Variants in KIF5A observed in about 807,000 individuals in gnomAD.
KIF5A encodes kinesin heavy chain isoform 5A.
KIF5A carries 35 observed loss-of-function variants against 141.3 expected under a neutral mutation model. The observed-to-expected ratio is 0.25, with a 90% CI of 0.19 to 0.33. The LOEUF (loss-of-function observed/expected upper bound fraction) is 0.33, where lower values mean the gene tolerates loss of function less well. Among genes scored for constraint, KIF5A ranks in the 10% least tolerant of loss-of-function variants. The probability of loss-of-function intolerance (pLI) is 1.00; values close to 1 mark genes in which losing one functional copy is unlikely to be tolerated. For synonymous variants in KIF5A, 448 were observed against 500.2 expected (o/e 0.90, Z 1.39); for missense variants, 861 against 1,314.3 (o/e 0.66, Z 5.33).
rs773133711 is a variant in KIF5A, at chr12:57,571,352, T to C, written c.1325T>C (p.Ile442Thr). 1.2e-6 allele frequency: 2 copies of C among 1,613,610 alleles called. No homozygotes were observed. The highest frequency in any genetic ancestry group is 2.2e-5 in the East Asian group (1 of 44,864). The stretch of plus-strand genomic sequence containing the variant: ...GAAATCAACCAACAAAGCCAACTCA[T>C]AGAGAAGCTCAAGCAGCAAATGCTG... ...DDEINQQSQL[I>T]EKLKQQMLDQ... The change falls in exon 13 of 29, where the codon ATA becomes ACA. Residue 442 changes from isoleucine to threonine, a missense_variant. Transcript: ENST00000455537.
intron 22 of KIF5A, 75 bp downstream of exon 22, chr12:57,578,155 C>T (rs1882484434): frequency 6.3e-6 from 10 of 1,575,098 alleles, no homozygotes; most frequent in South Asian, 4.4e-5. Context: ...CCCCTGTTGC[C>T]CCTATGGGGC....
chr12:57,585,409 G>C lies in KIF5A; in HGVS notation c.*1228G>C, dbSNP rs1443590205. The C allele has an allele frequency of 6.5e-6, 1 of 154,456 alleles. No individual in the cohort carries two copies. Among genetic ancestry groups the C allele is most frequent in the Non-Finnish European group, 1.5e-5 (1 of 68,280 alleles). 9.6% of individuals were successfully genotyped at this position (154,456 alleles called of 1,614,324 possible). A position where few individuals can be genotyped will look rare whatever the true frequency, so the allele number is the denominator to read the frequency against. ...GTGGGAAGCTCTAAGGCTTGACCCT[G>C]AGGGGTCTTCTCCCAGCCATTCTCA... On this transcript the variant is annotated 3_prime_UTR_variant, in exon 29 of 29. Transcript: ENST00000455537.
chr12:57,577,925 T>C (rs1882476252), intron 21 of KIF5A, 84 bp from the exon 22 acceptor site: 4 of 1,278,346 alleles, frequency 3.1e-6, no homozygotes, highest in Admixed American at 1.7e-5. Context: ...CACTTGATTA[T>C]AGAGACTGGA....
At position 57,576,768 on chromosome 12, in the gene KIF5A, C is replaced by G. The variant is rs780535025; in HGVS notation, c.2206C>G (p.Gln736Glu). 1.9e-6 allele frequency: 3 copies of G among 1,612,954 alleles called. No homozygotes were observed. The South Asian group carries it at 3.3e-5, about 18-fold the overall frequency. The change falls in exon 20 of 29, where the codon CAG becomes GAG. Residue 736 changes from glutamine (Q) to glutamate (E), a missense_variant. By Grantham distance (29) the Gln-to-Glu change is conservative. Around this residue, in one of 5 missense-constraint regions of KIF5A, gnomAD observed 482 missense variants for 661.3 expected, o/e 0.73. Coordinates refer to ENST00000455537, the MANE Select transcript of KIF5A (RefSeq NM_004984.4). ...CCTTCTGATGCTCTGTAGCCTAAAT[C>G]AGAAGCTCCAGTTAGAGCTAGAGAA... is the stretch of plus-strand genomic sequence containing the variant. ...KTIDELKDLN[Q>E]KLQLELEKLQ...
chr12:57,552,251 G>A (rs1038682448), intron 1 of KIF5A, among the ~76,000 whole-genome samples: 2 of 152,144 alleles, frequency 1.3e-5, no homozygotes, highest in Admixed American at 1.3e-4. Flanking sequence ...GGCCATCCTA[G>A]TATAGTGGGA....
At chr12:57,581,202 G>T in intron 24 of KIF5A, 30 bp downstream of exon 24, 7 of 1,602,662 alleles carry the variant, frequency 4.4e-6, no homozygotes, top group Non-Finnish European at 6.0e-6. Flanking sequence ...CAAGGTGGGA[G>T]TATCTCCTGA....
rs558583049 is a variant in KIF5A, at chr12:57,584,897, C to T, written c.*716C>T. ...ATGGGTTGCTCAAGGGACCATTTCCCTTTTTCTTCAAGCTCCTTTTGATAT... is the reference window on the plus strand; with the variant it reads ...ATGGGTTGCTCAAGGGACCATTTCCTTTTTTCTTCAAGCTCCTTTTGATAT... On this transcript the variant is annotated 3_prime_UTR_variant, in exon 29 of 29. Coordinates refer to ENST00000455537, the MANE Select transcript of KIF5A (RefSeq NM_004984.4). The T allele has an allele frequency of 2.0e-5, 3 of 152,316 alleles. No homozygotes were observed. Among genetic ancestry groups the T allele is most frequent in the African/African-American group, 7.2e-5 (3 of 41,568 alleles). 9.4% of individuals were successfully genotyped at this position (152,316 alleles called of 1,614,324 possible).
chr12:57,556,790 T>C (rs901693888), intron 1 of KIF5A, among the ~76,000 whole-genome samples: 5 of 152,078 alleles, frequency 3.3e-5, no homozygotes, highest in African/African-American at 4.8e-5. Context: ...AGATTGTTGG[T>C]GGGAAAGAGA....
intron 2 of KIF5A, 29 bp downstream of exon 2, chr12:57,563,555 TCTC>T (rs1881975169): frequency 6.2e-7 from 1 of 1,607,616 alleles, no homozygotes; most frequent in Admixed American, 1.7e-5. Flanking sequence ...GAATGTCTCT[TCTC>T]AGCACCCCAT....
chr12:57,555,681 C>A (rs143570541), intron 1 of KIF5A, among the ~76,000 whole-genome samples: 1 of 151,742 alleles, frequency 6.6e-6, no homozygotes, highest in Non-Finnish European at 1.5e-5. Context: ...GAGACAGAGG[C>A]GGGTGGATAA....
chr12:57,563,451 G>T lies in KIF5A; in HGVS notation c.142G>T (p.Val48Phe). 6.2e-7 allele frequency: 1 copy of T among 1,612,356 alleles called. No homozygotes were observed. The highest frequency in any genetic ancestry group is 8.5e-7 in the Non-Finnish European group (1 of 1,178,398). The change falls in exon 2 of 29, where the codon GTT (valine) becomes TTT (phenylalanine). Residue 48 changes from valine (V) to phenylalanine (F), a missense_variant. Coordinates refer to ENST00000455537, the MANE Select transcript of KIF5A (RefSeq NM_004984.4). ...ATTTTCATTCCAGGGGAAGCCATAT[G>T]TTTTTGACCGTGTATTCCCCCCAAA... The part of the protein sequence containing the change: ...DSVVIGGKPY[V>F]FDRVFPPNTT...
chr12:57,582,553 C>T (rs1882637315), intron 26 of KIF5A, 49 bp from the exon 27 acceptor site: 2 of 1,507,830 alleles, frequency 1.3e-6, no homozygotes, highest in African/African-American at 2.7e-5. Flanking sequence ...AACACCCAAT[C>T]TCCTTTTTTC....
chr12:57,563,773 GA>G, intron 3 of KIF5A, 80 bp downstream of exon 3: 3 of 1,321,738 alleles, frequency 2.3e-6, no homozygotes, highest in Non-Finnish European at 3.3e-6. Flanking sequence ...GAAGGTCTAG[GA>G]ATCAAGGATT....
Position 57,567,576 on chromosome 12 carries a change from C to T in KIF5A, c.672C>T (p.Leu224=), listed in dbSNP as rs770896632. 9 of 1,612,380 alleles carry T rather than the reference C, an allele frequency of 5.6e-6. No individual in the cohort carries two copies. The highest frequency in any genetic ancestry group is 7.6e-6 in the Non-Finnish European group (9 of 1,179,458). Reference sequence around the variant, plus strand: ...AGAACATGGAAACGGAGCAGAAGCTCAGTGGGAAGCTGTATCTGGTGGACC... The same window carrying T: ...AGAACATGGAAACGGAGCAGAAGCTTAGTGGGAAGCTGTATCTGGTGGACC... The part of the protein sequence containing the change: ...KQENMETEQK[L]SGKLYLVDLA... Residue 224 remains leucine (L), a synonymous_variant, in exon 8 of 29, where the codon CTC becomes CTT. Coordinates refer to ENST00000455537, the MANE Select transcript of KIF5A (RefSeq NM_004984.4).
At chr12:57,564,745 TGAG>T (rs1392364641) in intron 5 of KIF5A, among the ~76,000 whole-genome samples, 170 bp from the exon 6 acceptor site, 2 of 152,096 alleles carry the variant, frequency 1.3e-5, no homozygotes, top group African/African-American at 2.4e-5. Context: ...GCAGGAGCCC[TGAG>T]GAGGAGAAGG....
At chr12:57,569,136 C>G (rs1882163416) in intron 9 of KIF5A, 69 bp downstream of exon 9, 3 of 1,548,972 alleles carry the variant, frequency 1.9e-6, no homozygotes, top group Non-Finnish European at 2.7e-6. Flanking sequence ...GCTAATGCCA[C>G]CATATGATCA....
intron 13 of KIF5A, 75 bp downstream of exon 13, chr12:57,571,464 T>A: frequency 6.7e-7 from 1 of 1,483,814 alleles, no homozygotes; most frequent in Non-Finnish European, 9.3e-7. Flanking sequence ...TAGACCTTTT[T>A]AAAATCAGAT....
intron 4 of KIF5A, 40 bp downstream of exon 4, chr12:57,564,252 G>T: frequency 7.2e-7 from 1 of 1,395,168 alleles, no homozygotes; most frequent in Non-Finnish European, 1.0e-6. Flanking sequence ...GATGGGGACT[G>T]GGAGGGGAAG....
chr12:57,560,401 C>T (rs1480006397), intron 1 of KIF5A, among the ~76,000 whole-genome samples: 1 of 152,096 alleles, frequency 6.6e-6, no homozygotes, highest in African/African-American at 2.4e-5. Flanking sequence ...ATTTCTAGAT[C>T]AATGGATATG....
Sources: gnomAD v4.1 joint callset for allele counts (sites outside exome capture counted in the v4.1 genomes callset) on GRCh38, gnomAD v4.1.1 for gene constraint, gnomAD v4.1.1 regional missense constraint, MANE v1.5 for transcripts, NCBI Gene and HGNC (gene_info 2026-07-23, HGNC 2026-07-21) for gene names.